Variants in EYS observed in about 807,000 individuals in gnomAD.
EYS encodes the protein EGF-like photoreceptor maintenance factor.
Under a neutral mutation model 282.1 loss-of-function variants are expected in EYS, and 250 were observed. That is an observed-to-expected ratio of 0.89 (90% CI 0.80 to 0.98). The LOEUF (loss-of-function observed/expected upper bound fraction) is 0.98, where lower values mean the gene tolerates loss of function less well. Ranked by LOEUF, EYS falls within the 50% of genes least tolerant of loss-of-function variation. The pLI is 0.00. For missense variants in EYS, 4,016 were observed against 3,709.0 expected, an observed-to-expected ratio of 1.08 and a Z score of -2.15; for synonymous variants, 1,355 against 1,282.9, an observed-to-expected ratio of 1.06 and a Z score of -1.20.
chr6:65,010,172 G>A (rs1279512754), intron 13 of EYS, among the ~76,000 whole-genome samples: 1 of 152,198 alleles, frequency 6.6e-6, no homozygotes, highest in East Asian at 1.9e-4. Flanking sequence ...AGGTCCGAGG[G>A]ACAAGCTTGC....
At chr6:64,549,501 C>T (rs1056907633) in intron 26 of EYS, among the ~76,000 whole-genome samples, 2 of 152,198 alleles carry the variant, frequency 1.3e-5, no homozygotes, top group Admixed American at 6.5e-5. Context: ...AAAGGCAATG[C>T]TAATCAATGA....
At chr6:63,946,129 A>G (rs1765390485) in intron 35 of EYS, among the ~76,000 whole-genome samples, 1 of 152,148 alleles carries the variant, frequency 6.6e-6, no homozygotes, top group Admixed American at 6.6e-5. Context: ...GCTCTGACGT[A>G]CCCATCCAAG....
intron 2 of EYS, among the ~76,000 whole-genome samples, chr6:65,587,420 A>G (rs956320516): frequency 2.0e-5 from 3 of 152,074 alleles, no homozygotes; most frequent in African/African-American, 7.2e-5. Flanking sequence ...TATTCTCATG[A>G]TAGTGAGAAA....
At chr6:65,399,422 A>C (rs1246795430) in intron 7 of EYS, among the ~76,000 whole-genome samples, 1 of 152,120 alleles carries the variant, frequency 6.6e-6, no homozygotes, top group Admixed American at 6.6e-5. Context: ...AATCAAATAA[A>C]TTAGTTAGAA....
chr6:64,394,661 C>A (rs1773293114), intron 28 of EYS, among the ~76,000 whole-genome samples: 1 of 151,744 alleles, frequency 6.6e-6, no homozygotes, highest in Non-Finnish European at 1.5e-5. Flanking sequence ...AACATTAGAC[C>A]TAAAACCATA....
chr6:64,594,860 T>C (rs969487573), intron 24 of EYS, among the ~76,000 whole-genome samples: 8 of 151,134 alleles, frequency 5.3e-5, no homozygotes, highest in Non-Finnish European at 1.2e-4. Context: ...ATTTAAAAAA[T>C]TATATAAAAA....
chr6:65,441,603 T>C (rs1318233039), intron 5 of EYS, among the ~76,000 whole-genome samples: 1 of 148,946 alleles, frequency 6.7e-6, no homozygotes, highest in East Asian at 2.0e-4. Context: ...ATAATTACAG[T>C]GGAAAATATT....
intron 27 of EYS, among the ~76,000 whole-genome samples, chr6:64,437,558 C>T (rs1336049273): frequency 2.0e-5 from 3 of 151,566 alleles, no homozygotes; most frequent in Non-Finnish European, 4.4e-5. Flanking sequence ...TTCACATGTG[C>T]TTTGTGCTAA....
intron 41 of EYS, among the ~76,000 whole-genome samples, chr6:63,730,887 G>A (rs960820286): frequency 1.3e-5 from 2 of 152,148 alleles, no homozygotes; most frequent in African/African-American, 4.8e-5. Context: ...TGGGCATGGT[G>A]GTGCGCACCT....
intron 41 of EYS, among the ~76,000 whole-genome samples, chr6:63,742,209 A>T (rs535848880): frequency 1.1e-4 from 17 of 152,100 alleles, no homozygotes; most frequent in Non-Finnish European, 1.5e-4. Flanking sequence ...TCCTCTTGAG[A>T]CAACTTACCT....
intron 31 of EYS, among the ~76,000 whole-genome samples, chr6:64,189,159 G>C (rs541020383): frequency 6.6e-6 from 1 of 152,142 alleles, no homozygotes; most frequent in South Asian, 2.1e-4. Flanking sequence ...CCAGTTAAAA[G>C]TTCTATATAT....
chr6:64,234,404 T>C (rs900805920), intron 30 of EYS, among the ~76,000 whole-genome samples: 3 of 149,822 alleles, frequency 2.0e-5, no homozygotes. Flanking sequence ...AGAATAGTTC[T>C]TCACTTTCCT....
In EYS at chr6:64,439,205, T is replaced by C; in HGVS notation, c.5792A>G (p.Asp1931Gly). 6.8e-7 allele frequency: 1 copy of C among 1,475,130 alleles called. No homozygotes were observed. The highest frequency in any genetic ancestry group is 1.5e-5 in the African/African-American group (1 of 68,832). 91.4% of individuals were successfully genotyped at this position (1,475,130 alleles called of 1,614,324 possible). A position where few individuals can be genotyped will look rare whatever the true frequency, so the allele number is the denominator to read the frequency against. ...AATAAACAATTGAATAAAAAATCCATCTACTAAATTTGAGTCTTGCTTGAC... is the reference window on the plus strand; with the variant it reads ...AATAAACAATTGAATAAAAAATCCACCTACTAAATTTGAGTCTTGCTTGAC... ...LYVKQDSNLV[D>G]GFFIQLFIEN... The change falls in exon 27 of 43, where the codon GAT (aspartate) becomes GGT (glycine). Residue 1931 changes from aspartate (D) to glycine (G), a missense_variant. Physicochemically the swap from Asp to Gly is moderately conservative, Grantham distance 94. Transcript: ENST00000503581.
At chr6:64,622,655 A>C (rs1015956869) in intron 23 of EYS, among the ~76,000 whole-genome samples, 16 of 152,146 alleles carry the variant, frequency 1.1e-4, no homozygotes, top group African/African-American at 3.1e-4. Flanking sequence ...TAAAGACAAG[A>C]GTATTTTGAT....
At chr6:64,763,604 T>A (rs1351112999) in intron 22 of EYS, among the ~76,000 whole-genome samples, 1 of 151,978 alleles carries the variant, frequency 6.6e-6, no homozygotes, top group Non-Finnish European at 1.5e-5. Context: ...CCCTCCTAAA[T>A]CTCATGTCCT....
At chr6:64,178,969 T>C (rs1327922504) in intron 31 of EYS, among the ~76,000 whole-genome samples, 1 of 151,968 alleles carries the variant, frequency 6.6e-6, no homozygotes, top group East Asian at 1.9e-4. Context: ...ATTGTACTCA[T>C]AGTGTGGCAA....
intron 12 of EYS, among the ~76,000 whole-genome samples, chr6:65,249,134 A>G (rs1767255136): frequency 6.6e-6 from 1 of 151,964 alleles, no homozygotes; most frequent in African/African-American, 2.4e-5. Flanking sequence ...TAATAAGAAC[A>G]AAGTATAAAA....
At chr6:65,271,957 G>A (rs1767917911) in intron 12 of EYS, among the ~76,000 whole-genome samples, 1 of 152,110 alleles carries the variant, frequency 6.6e-6, no homozygotes, top group African/African-American at 2.4e-5. Context: ...AGAAAATCCT[G>A]AATTTGATTT....
rs528402418 is a variant in EYS at position 63,803,297 on chromosome 6, T to C, written c.7411+2893A>G. Among the ~76,000 whole-genome samples the C allele has an allele frequency of 3.3e-5, 5 of 152,016 alleles. No individual in the cohort carries two copies. In the East Asian group the frequency reaches 7.7e-4, roughly 24 times the overall value. On this transcript the variant is annotated intron_variant, in intron 37 of 42. Transcript: ENST00000503581. The stretch of plus-strand genomic sequence containing the variant: ...AAGGGTTTAATTGATAAATATATGA[T>C]AAGTGGTGTGCAGAGTAAAGGGTTA...
Sources: allele counts gnomAD v4.1 joint callset (sites outside exome capture counted in the v4.1 genomes callset), GRCh38; gene constraint gnomAD v4.1.1; transcripts MANE v1.5; gene names NCBI Gene and HGNC (gene_info 2026-07-23, HGNC 2026-07-21).